The following SPAG16 variants were observed in gnomAD, a reference collection of about 807,000 sequenced individuals.
SPAG16 encodes the protein sperm-associated antigen 16 protein.
SPAG16 carries 86 observed loss-of-function variants against 80.4 expected under a neutral mutation model. That is an observed-to-expected ratio of 1.07 (90% CI 0.90 to 1.28). The LOEUF (loss-of-function observed/expected upper bound fraction) is 1.28, where lower values mean the gene tolerates loss of function less well. Among genes scored for constraint, SPAG16 ranks in the 50% most tolerant of loss-of-function variants. The probability of loss-of-function intolerance (pLI) is 0.00; values close to 1 mark genes in which losing one functional copy is unlikely to be tolerated. For missense variants in SPAG16, 870 were observed against 765.3 expected (o/e 1.14, Z -1.61); for synonymous variants, 294 against 265.9 (o/e 1.11, Z -1.03).
In SPAG16 at chr2:213,355,484, T is replaced by C. The variant is rs2065587259; in HGVS notation, c.762+4839T>C. ...TGGCCATTTTCAAGATATTGATTGT[T>C]CCTATCCGTGAGCATGGAATGTTCT... On this transcript the variant is annotated intron_variant, in intron 7 of 15. Transcript: ENST00000331683. Among the ~76,000 whole-genome samples, 3 of 152,238 alleles carry C rather than the reference T, an allele frequency of 2.0e-5. No homozygotes were observed. The South Asian group carries it at 6.2e-4, about 31-fold the overall frequency.
intron 12 of SPAG16, among the ~76,000 whole-genome samples, chr2:213,997,680 A>G (rs1041703158): frequency 3.3e-5 from 5 of 152,194 alleles, no homozygotes; most frequent in Non-Finnish European, 5.9e-5. Context: ...CCCAGGCCAC[A>G]TTGAAAGAAG....
At chr2:213,351,401 A>G (rs1267159880) in intron 7 of SPAG16, among the ~76,000 whole-genome samples, 5 of 152,150 alleles carry the variant, frequency 3.3e-5, no homozygotes, top group Admixed American at 2.0e-4. Context: ...TATTTTAATA[A>G]ATAAAAACTC....
intron 12 of SPAG16, among the ~76,000 whole-genome samples, chr2:213,964,424 T>C (rs1195934424): frequency 6.6e-6 from 1 of 152,176 alleles, no homozygotes; most frequent in African/African-American, 2.4e-5. Flanking sequence ...TAGCAATAAA[T>C]TCTCTTAATA....
At chr2:214,247,867 A>G (rs2125840895) in intron 15 of SPAG16, among the ~76,000 whole-genome samples, 1 of 152,198 alleles carries the variant, frequency 6.6e-6, no homozygotes, top group East Asian at 1.9e-4. Context: ...CCCTGTCTCT[A>G]CAAAAAATAA....
chr2:213,614,625 G>A (rs1489420357), intron 10 of SPAG16, among the ~76,000 whole-genome samples: 1 of 152,140 alleles, frequency 6.6e-6, no homozygotes, highest in Non-Finnish European at 1.5e-5. Context: ...CTGTTGATAA[G>A]GTTGACCACA....
At chr2:213,842,759 G>A (rs933336788) in intron 10 of SPAG16, among the ~76,000 whole-genome samples, 2 of 152,008 alleles carry the variant, frequency 1.3e-5, no homozygotes, top group Non-Finnish European at 2.9e-5. Context: ...CTATGTTTTA[G>A]GTGCTATTAT....
At chr2:213,593,188 G>A (rs773806403) in intron 10 of SPAG16, among the ~76,000 whole-genome samples, 22 of 152,216 alleles carry the variant, frequency 1.4e-4, no homozygotes, top group Non-Finnish European at 3.2e-4. Flanking sequence ...GTGATACATT[G>A]GAGTTCTATT....
At chr2:213,300,281 T>C (rs973953049) in intron 3 of SPAG16, among the ~76,000 whole-genome samples, 2 of 152,176 alleles carry the variant, frequency 1.3e-5, no homozygotes, top group African/African-American at 4.8e-5. Context: ...CTCCTTTTCT[T>C]CCTCTTCCTC....
At chr2:214,177,402 G>A (rs965483106) in intron 15 of SPAG16, among the ~76,000 whole-genome samples, 6 of 150,770 alleles carry the variant, frequency 4.0e-5, no homozygotes, top group African/African-American at 1.5e-4. Context: ...ATTCTTAATG[G>A]GACCTATGGT....
intron 11 of SPAG16, among the ~76,000 whole-genome samples, chr2:213,926,491 A>G (rs762911652): frequency 6.6e-6 from 1 of 151,920 alleles, no homozygotes; most frequent in African/African-American, 2.4e-5. Context: ...AGAACATATC[A>G]TGTTTTTCAT....
chr2:213,610,353 G>A (rs964983323), intron 10 of SPAG16, among the ~76,000 whole-genome samples: 1 of 152,068 alleles, frequency 6.6e-6, no homozygotes, highest in Non-Finnish European at 1.5e-5. Context: ...CTTAATGTAG[G>A]AAAGATTGAC....
chr2:214,132,288 C>A (rs185075133), intron 14 of SPAG16, among the ~76,000 whole-genome samples: 49 of 152,252 alleles, frequency 3.2e-4, no homozygotes, highest in African/African-American at 1.1e-3. Flanking sequence ...TGTAAATGAT[C>A]TGGAACAGTA....
At chr2:213,288,659 AAAGCTAAACATTGT>A (rs1559373414) in intron 1 of SPAG16, among the ~76,000 whole-genome samples, 3 of 150,408 alleles carry the variant, frequency 2.0e-5, no homozygotes, top group African/African-American at 7.3e-5. Flanking sequence ...TTTTTTTTTT[AAAGCTAAACATTGT>A]AGTTGAGTAA....
intron 4 of SPAG16, among the ~76,000 whole-genome samples, chr2:213,310,802 G>A (rs889323165): frequency 6.6e-6 from 1 of 151,626 alleles, no homozygotes; most frequent in African/African-American, 2.4e-5. Flanking sequence ...ATGTCACCAG[G>A]CATATTTTCA....
At chr2:214,003,046 G>A (rs10210989) in intron 12 of SPAG16, among the ~76,000 whole-genome samples, 75,427 of 151,982 alleles carry the variant, frequency 0.5, 19,346 homozygotes, top group South Asian at 0.76. Flanking sequence ...GACAACTTCC[G>A]TAGTGTAAAT....
chr2:213,355,221 A>G (rs529860410), intron 7 of SPAG16, among the ~76,000 whole-genome samples: 1 of 152,156 alleles, frequency 6.6e-6, no homozygotes, highest in Non-Finnish European at 1.5e-5. Flanking sequence ...CCACTGGTCT[A>G]TATATCTGTT....
intron 15 of SPAG16, among the ~76,000 whole-genome samples, chr2:214,245,118 T>G: frequency 6.6e-6 from 1 of 152,174 alleles, no homozygotes; most frequent in East Asian, 1.9e-4. Flanking sequence ...ATAGCACCTA[T>G]AAACTTCTAC....
chr2:213,406,345 G>A lies in SPAG16; in HGVS notation c.942+31226G>A, dbSNP rs151305959. 2.0e-4 allele frequency among the ~76,000 whole-genome samples: 31 copies of A among 152,224 alleles called. 1 individual carries two copies. In the South Asian group the frequency reaches 4.4e-3, roughly 21 times the overall value. On this transcript the variant is annotated intron_variant, in intron 9 of 15. Coordinates refer to ENST00000331683, the MANE Select transcript of SPAG16 (RefSeq NM_024532.5). ...AGCCCTGCTTTTCAGGATTTCACAC[G>A]CCAGATCAAATGGATTTCATAATCA...
chr2:213,457,998 G>A (rs570073615), intron 9 of SPAG16, among the ~76,000 whole-genome samples: 1 of 151,594 alleles, frequency 6.6e-6, no homozygotes, highest in Non-Finnish European at 1.5e-5. Flanking sequence ...GACTGCTTGA[G>A]TTTTTTACTC....
Sources: gnomAD v4.1 joint callset for allele counts (sites outside exome capture counted in the v4.1 genomes callset) on GRCh38, gnomAD v4.1.1 for gene constraint, MANE v1.5 for transcripts, NCBI Gene and HGNC (gene_info 2026-07-23, HGNC 2026-07-21) for gene names.